Variants in ANKRD30BL observed in about 807,000 individuals in gnomAD.
The protein encoded by ANKRD30BL is putative ankyrin repeat domain-containing protein 30B-like.
Under a neutral mutation model 18.4 loss-of-function variants are expected in ANKRD30BL, and 20 were observed. The ratio of observed to expected loss-of-function variants is 1.09; its 90% CI spans 0.77 to 1.58. The LOEUF is 1.58. Ranked by LOEUF, ANKRD30BL falls within the 40% of genes most tolerant of loss-of-function variation. ANKRD30BL has a pLI of 0.00. For synonymous variants in ANKRD30BL, 72 were observed against 100.9 expected, an observed-to-expected ratio of 0.71 and a Z score of 1.72; for missense variants, 224 against 268.6, an observed-to-expected ratio of 0.83 and a Z score of 1.16.
intron 1 of ANKRD30BL, among the ~76,000 whole-genome samples, chr2:132,196,821 A>T (rs1338430726): frequency 2.0e-5 from 3 of 152,178 alleles, no homozygotes; most frequent in African/African-American, 4.8e-5. Flanking sequence ...AAGGAAAAAA[A>T]AAAATAAAAG....
chr2:132,240,021 G>C (rs796821790), intron 1 of ANKRD30BL, among the ~76,000 whole-genome samples: 4 of 151,688 alleles, frequency 2.6e-5, no homozygotes, highest in African/African-American at 9.7e-5. Flanking sequence ...GAAACTTCTT[G>C]TGATGTTTGC....
chr2:132,165,715 C>G (rs1378016251), upstream of ANKRD30BL, among the ~76,000 whole-genome samples: 2 of 150,848 alleles, frequency 1.3e-5, no homozygotes, highest in Non-Finnish European at 2.9e-5. Flanking sequence ...GAGCAAGACT[C>G]TATCTCAAAA....
At chr2:132,210,092 G>A (rs1471165578) in intron 1 of ANKRD30BL, among the ~76,000 whole-genome samples, 1 of 152,022 alleles carries the variant, frequency 6.6e-6, no homozygotes, top group Non-Finnish European at 1.5e-5. Flanking sequence ...TCAACTCACA[G>A]AGTTTAAACT....
At chr2:132,172,109 T>C (rs1360076153) in intron 1 of ANKRD30BL, among the ~76,000 whole-genome samples, 3 of 152,256 alleles carry the variant, frequency 2.0e-5, no homozygotes, top group Non-Finnish European at 4.4e-5. Flanking sequence ...GTATTTTGTT[T>C]ATTCATTCAT....
chr2:132,157,120 A>T lies in ANKRD30BL; in HGVS notation c.360T>A (p.Cys120Ter), dbSNP rs1687929535. 1 of 1,446,520 alleles carries T rather than the reference A, an allele frequency of 6.9e-7. No individual in the cohort carries two copies. Among genetic ancestry groups the T allele is most frequent in the Non-Finnish European group, 9.5e-7 (1 of 1,056,514 alleles). The allele number at this position is 1,446,520 out of a possible 1,614,324, so 89.6% of individuals were successfully genotyped here. A position where few individuals can be genotyped will look rare whatever the true frequency, so the allele number is the denominator to read the frequency against. Residue 120 changes from cysteine (C) to a stop codon, truncating the protein, a stop_gained, in exon 3 of 6, where the codon TGT becomes TGA. Transcript: ENST00000409867. LOFTEE classifies it high-confidence loss of function. ...MKALQCQREA[C>*]ANILIDSGAD... is the part of the protein sequence containing the mutation. ...CACCAGAATCTATGAGAATATTTGC[A>T]CAAGCCTCCCTCTGGCATTGCAGAG...
intron 1 of ANKRD30BL, among the ~76,000 whole-genome samples, chr2:132,195,788 C>CAAA (rs1205804103): frequency 1.2e-3 from 59 of 48,652 alleles, no homozygotes; most frequent in African/African-American, 2.7e-3. Flanking sequence ...GAGCCTCTGC[C>CAAA]AAAAAAAAAA....
chr2:132,236,886 C>A (rs1302096821), intron 1 of ANKRD30BL, among the ~76,000 whole-genome samples: 1 of 151,564 alleles, frequency 6.6e-6, no homozygotes, highest in African/African-American at 2.4e-5. Flanking sequence ...AAATGTCCAA[C>A]AATGATAGAC....
intron 1 of ANKRD30BL, among the ~76,000 whole-genome samples, chr2:132,210,613 A>C (rs796514418): frequency 3.5e-5 from 5 of 144,644 alleles, no homozygotes; most frequent in South Asian, 2.2e-4. Flanking sequence ...CAGAATTGAA[A>C]CTTTCTTTTG....
intron 5 of ANKRD30BL, among the ~76,000 whole-genome samples, chr2:132,150,004 A>G (rs1297349676): frequency 1.3e-5 from 2 of 152,132 alleles, no homozygotes; most frequent in Non-Finnish European, 2.9e-5. Flanking sequence ...TCAACAGTAG[A>G]ATGTTAGTAG....
At chr2:132,199,465 G>T (rs1261264363) in intron 1 of ANKRD30BL, among the ~76,000 whole-genome samples, 2 of 151,930 alleles carry the variant, frequency 1.3e-5, no homozygotes, top group African/African-American at 4.8e-5. Flanking sequence ...ACACAGAAGA[G>T]CAAGTGTAAA....
chr2:132,233,511 A>C (rs1449288540), intron 1 of ANKRD30BL, among the ~76,000 whole-genome samples: 1 of 144,372 alleles, frequency 6.9e-6, no homozygotes, highest in Non-Finnish European at 1.5e-5. Flanking sequence ...CAAATGGAAA[A>C]CAAAAAAAGG....
chr2:132,167,917 C>G (rs934545460), intron 1 of ANKRD30BL, among the ~76,000 whole-genome samples: 1 of 152,184 alleles, frequency 6.6e-6, no homozygotes, highest in Non-Finnish European at 1.5e-5. Context: ...TGTCCACATT[C>G]TATAATTACC....
intron 1 of ANKRD30BL, among the ~76,000 whole-genome samples, chr2:132,175,346 G>C (rs61041841): frequency 0.34 from 52,368 of 152,008 alleles, 10,262 homozygotes; most frequent in African/African-American, 0.51. Flanking sequence ...TGTGCACGTA[G>C]GCCAGATTTA....
chr2:132,228,286 C>T (rs577301426), intron 1 of ANKRD30BL, among the ~76,000 whole-genome samples: 46 of 151,486 alleles, frequency 3.0e-4, no homozygotes, highest in South Asian at 2.3e-3. Flanking sequence ...CAGAAGAATT[C>T]GGAGAAGCTT....
intron 1 of ANKRD30BL, among the ~76,000 whole-genome samples, chr2:132,253,914 G>A (rs75492935): frequency 7.2e-5 from 11 of 152,052 alleles, no homozygotes; most frequent in African/African-American, 1.4e-4. Flanking sequence ...CAGAGGTGAC[G>A]ATGGTGGCAG....
intron 5 of ANKRD30BL, 33 bp downstream of exon 5, chr2:132,150,879 C>T (rs144392690): frequency 0.055 from 32,491 of 586,738 alleles, 2,661 homozygotes; most frequent in East Asian, 0.23. Context: ...TATGGTAGCA[C>T]CACCAAGAGT....
chr2:132,215,805 T>C (rs1422202459), intron 1 of ANKRD30BL, among the ~76,000 whole-genome samples: 1 of 152,170 alleles, frequency 6.6e-6, no homozygotes, highest in Non-Finnish European at 1.5e-5. Flanking sequence ...ACACTCTTTC[T>C]GTAACATCTG....
At chr2:132,180,592 C>T (rs1688443698) in intron 1 of ANKRD30BL, among the ~76,000 whole-genome samples, 1 of 151,918 alleles carries the variant, frequency 6.6e-6, no homozygotes, top group African/African-American at 2.4e-5. Flanking sequence ...CAATCTTACC[C>T]AGAGACAGGC....
chr2:132,252,089 C>T (rs1442720567), intron 1 of ANKRD30BL, among the ~76,000 whole-genome samples: 2 of 152,106 alleles, frequency 1.3e-5, no homozygotes, highest in East Asian at 3.8e-4. Flanking sequence ...GAATATTACT[C>T]ATATTATCTT....
Sources: allele counts gnomAD v4.1 joint callset (sites outside exome capture counted in the v4.1 genomes callset), GRCh38; gene constraint gnomAD v4.1.1; transcripts MANE v1.5; gene names NCBI Gene and HGNC (gene_info 2026-07-23, HGNC 2026-07-21).